Variants in SGPL1 observed in about 807,000 individuals in gnomAD.
SGPL1 encodes SP-lyase 1.
A neutral mutation model predicts 68.9 loss-of-function variants in SGPL1; 37 were observed. That is an observed-to-expected ratio of 0.54 (90% CI 0.41 to 0.71). The LOEUF (loss-of-function observed/expected upper bound fraction) is 0.71, where lower values mean the gene tolerates loss of function less well. SGPL1 is among the 30% of genes least tolerant of loss of function. The probability of loss-of-function intolerance (pLI) is 0.00; values close to 1 mark genes in which losing one functional copy is unlikely to be tolerated. For missense variants in SGPL1, 551 were observed against 704.6 expected (o/e 0.78, Z 2.47); for synonymous variants, 236 against 248.5 (o/e 0.95, Z 0.47).
chr10:70,876,066 C>T (rs1428361396), intron 13 of SGPL1, among the ~76,000 whole-genome samples: 1 of 152,162 alleles, frequency 6.6e-6, no homozygotes, highest in African/African-American at 2.4e-5. Context: ...TTGCCAGTCC[C>T]ATCTGGACTA....
At chr10:70,853,674 T>C (rs1845920605) in intron 4 of SGPL1, among the ~76,000 whole-genome samples, 1 of 152,156 alleles carries the variant, frequency 6.6e-6, no homozygotes, top group African/African-American at 2.4e-5. Flanking sequence ...TGAATATGAA[T>C]GTGAATATGT....
intron 3 of SGPL1, 30 bp downstream of exon 3, chr10:70,844,668 T>C (rs769866507): frequency 5.0e-6 from 8 of 1,595,290 alleles, no homozygotes; most frequent in South Asian, 2.2e-5. Flanking sequence ...TGTAAAGGTA[T>C]AGTGGTGTGT....
rs1468341042 is a variant in SGPL1 at position 70,879,535 on chromosome 10, T to C, written c.*2200T>C. On this transcript the variant is annotated 3_prime_UTR_variant, in exon 15 of 15. Coordinates refer to ENST00000373202, the MANE Select transcript of SGPL1 (RefSeq NM_003901.4). ...TGGTCAGAGCTGTTTGGTCAGTGCA[T>C]TATGTTGAATGAGGTCCAGGAACCC... 2 of 152,470 alleles carry C rather than the reference T, an allele frequency of 1.3e-5. No homozygotes were observed. Among genetic ancestry groups the C allele is most frequent in the Non-Finnish European group, 2.9e-5 (2 of 68,324 alleles). The allele number at this position is 152,470 out of a possible 1,614,324, so 9.4% of individuals were successfully genotyped here. A position where few individuals can be genotyped will look rare whatever the true frequency, so the allele number is the denominator to read the frequency against.
intron 11 of SGPL1, 152 bp downstream of exon 11, chr10:70,872,138 G>C: frequency 1.3e-6 from 1 of 759,250 alleles, no homozygotes; most frequent in Non-Finnish European, 2.1e-6. Context: ...CACCAGATCA[G>C]CTGGTTCAGG....
At chr10:70,859,274 T>C in intron 6 of SGPL1, 97 bp from the exon 7 acceptor site, 1 of 877,314 alleles carries the variant, frequency 1.1e-6, no homozygotes, top group Non-Finnish European at 1.5e-6. Context: ...GTTTATATTG[T>C]TGTGCCTAAT....
chr10:70,835,532 C>T (rs1488142634), intron 2 of SGPL1, among the ~76,000 whole-genome samples: 1 of 151,880 alleles, frequency 6.6e-6, no homozygotes, highest in African/African-American at 2.4e-5. Flanking sequence ...GGCAGGAGAT[C>T]GAGACCATCC....
At chr10:70,851,335 T>C in intron 4 of SGPL1, 125 bp downstream of exon 4, 1 of 774,654 alleles carries the variant, frequency 1.3e-6, no homozygotes, top group East Asian at 2.6e-5. Flanking sequence ...AGGGGACACT[T>C]GGCAGCATTT....
chr10:70,833,182 G>C (rs1259630958), intron 2 of SGPL1, among the ~76,000 whole-genome samples: 1 of 152,198 alleles, frequency 6.6e-6, no homozygotes, highest in African/African-American at 2.4e-5. Flanking sequence ...ATGGAAAGAT[G>C]CTTTGCCTGA....
At chr10:70,846,965 ATAG>A (rs1378759545) in intron 3 of SGPL1, among the ~76,000 whole-genome samples, 1 of 152,052 alleles carries the variant, frequency 6.6e-6, no homozygotes. Context: ...TGCTTAGCTA[ATAG>A]TAGAGACACA....
rs2131867242 is a variant in SGPL1 at position 70,834,478 on chromosome 10, G to A, written c.28-9995G>A. ...GTGGTCTCTAAGGTTCCTTCAGACA[G>A]TAGCATTTTATGATTTTGAAGACAA... On this transcript the variant is annotated intron_variant, in intron 2 of 14. Transcript: ENST00000373202. Among the ~76,000 whole-genome samples, 2 of 152,312 alleles carry A rather than the reference G, an allele frequency of 1.3e-5. 1 individual carries two copies. The highest frequency in any genetic ancestry group is 4.1e-4 in the South Asian group (2 of 4,828).
At chr10:70,830,296 C>T (rs190091043) in intron 2 of SGPL1, among the ~76,000 whole-genome samples, 1 of 152,264 alleles carries the variant, frequency 6.6e-6, no homozygotes, top group Non-Finnish European at 1.5e-5. Flanking sequence ...TCCAAAGAAA[C>T]CCAGTACTCA....
chr10:70,836,984 A>G (rs573058240), intron 2 of SGPL1, among the ~76,000 whole-genome samples: 1 of 152,188 alleles, frequency 6.6e-6, no homozygotes, highest in African/African-American at 2.4e-5. Context: ...GTATAATACC[A>G]TGTATTCTCA....
chr10:70,866,057 G>T (rs942467465), intron 7 of SGPL1, among the ~76,000 whole-genome samples: 6 of 152,252 alleles, frequency 3.9e-5, no homozygotes, highest in African/African-American at 1.4e-4. Flanking sequence ...GAGAGTAATA[G>T]CATTTTAAAA....
chr10:70,871,026 C>T (rs757951072), intron 9 of SGPL1, 22 bp from the exon 10 acceptor site: 9 of 1,591,804 alleles, frequency 5.7e-6, no homozygotes, highest in Admixed American at 1.7e-5. Context: ...TTCTCATTTT[C>T]CTTTAAACTT....
intron 3 of SGPL1, among the ~76,000 whole-genome samples, chr10:70,847,387 G>A (rs1412725829): frequency 2.0e-5 from 3 of 152,082 alleles, no homozygotes; most frequent in African/African-American, 7.2e-5. Flanking sequence ...GACCTCAGGT[G>A]ATCCGCCCAC....
chr10:70,846,696 C>G (rs569014162), intron 3 of SGPL1, among the ~76,000 whole-genome samples: 182 of 152,268 alleles, frequency 1.2e-3, no homozygotes, highest in Middle Eastern at 3.4e-3. Flanking sequence ...TAAGGCTAAG[C>G]TTAGAGATCT....
intron 11 of SGPL1, among the ~76,000 whole-genome samples, chr10:70,872,846 C>A (rs1846319932): frequency 6.6e-6 from 1 of 152,168 alleles, no homozygotes; most frequent in South Asian, 2.1e-4. Context: ...AAACCAGTTA[C>A]ATAGTTAATT....
chr10:70,831,857 T>A (rs1008419300), intron 2 of SGPL1, among the ~76,000 whole-genome samples: 2 of 152,164 alleles, frequency 1.3e-5, no homozygotes, highest in African/African-American at 4.8e-5. Flanking sequence ...TGTGCAGCCT[T>A]CCTTCCTCCA....
At chr10:70,838,375 A>G (rs762239355) in intron 2 of SGPL1, among the ~76,000 whole-genome samples, 2 of 152,158 alleles carry the variant, frequency 1.3e-5, no homozygotes, top group Non-Finnish European at 2.9e-5. Context: ...TAGTGCTACT[A>G]TTGGAAGTTT....
Sources: gnomAD v4.1 joint callset for allele counts (sites outside exome capture counted in the v4.1 genomes callset) on GRCh38, gnomAD v4.1.1 for gene constraint, MANE v1.5 for transcripts, NCBI Gene and HGNC (gene_info 2026-07-23, HGNC 2026-07-21) for gene names.